The following HSP90AA1 variants were observed in gnomAD, a reference collection of about 807,000 sequenced individuals.
HSP90AA1 encodes heat shock protein HSP 90-alpha.
Under a neutral mutation model 73.3 loss-of-function variants are expected in HSP90AA1, and 18 were observed. The observed-to-expected ratio is 0.25, with a 90% CI of 0.17 to 0.36. The LOEUF is 0.36. Ranked by LOEUF, HSP90AA1 falls within the 10% of genes least tolerant of loss-of-function variation. The pLI is 1.00. For synonymous variants in HSP90AA1, 477 were observed against 296.9 expected (o/e 1.61, Z -6.24); for missense variants, 704 against 874.2 (o/e 0.81, Z 2.45).
At chr14:102,135,601 A>G (rs1311799425) in intron 1 of HSP90AA1, among the ~76,000 whole-genome samples, 1 of 152,226 alleles carries the variant, frequency 6.6e-6, no homozygotes, top group Non-Finnish European at 1.5e-5. Context: ...CACAGGAACC[A>G]ATGGAGTGGG....
At position 102,084,071 on chromosome 14, in the gene HSP90AA1, G is replaced by T. The variant is rs34045059; in HGVS notation, c.1148-88C>A. 4.0e-5 allele frequency: 41 copies of T among 1,023,924 alleles called. No homozygotes were observed. The African/African-American group carries it at 6.5e-4, about 16-fold the overall frequency. 63.4% of individuals were successfully genotyped at this position (1,023,924 alleles called of 1,614,324 possible). On this transcript the variant is annotated intron_variant, in intron 6 of 10. Transcript: ENST00000216281. ...CTCCCAAAATCAAAGATAACCTGAA[G>T]ATGATGGGACGTATTTTTGAGACAG...
At position 102,086,396 on chromosome 14, in the gene HSP90AA1, C is replaced by A; in HGVS notation, c.1-18G>T. On this transcript the variant is annotated intron_variant, in intron 1 of 10. Transcript: ENST00000216281. Reference sequence around the variant, plus strand: ...TCAGGCATCTGGAACGACACCGCGCCGGTTTAAAACCTTGCAGGACGTCTA... The same window carrying A: ...TCAGGCATCTGGAACGACACCGCGCAGGTTTAAAACCTTGCAGGACGTCTA... 1 of 1,614,136 alleles carries A rather than the reference C, an allele frequency of 6.2e-7. No homozygotes were observed. Among genetic ancestry groups the A allele is most frequent in the South Asian group, 1.1e-5 (1 of 91,088 alleles).
At chr14:102,128,388 G>A (rs991246384) in intron 1 of HSP90AA1, among the ~76,000 whole-genome samples, 1 of 152,156 alleles carries the variant, frequency 6.6e-6, no homozygotes, top group African/African-American at 2.4e-5. Context: ...AGAACTTTGG[G>A]AGGCCGAGGT....
intron 2 of HSP90AA1, among the ~76,000 whole-genome samples, chr14:102,097,259 T>C (rs1004920571): frequency 2.0e-5 from 3 of 151,492 alleles, no homozygotes; most frequent in African/African-American, 7.3e-5. Flanking sequence ...GTGCTGGGAT[T>C]ACAGGTATGA....
At chr14:102,107,407 C>T (rs1288655431) in intron 1 of HSP90AA1, among the ~76,000 whole-genome samples, 1 of 152,018 alleles carries the variant, frequency 6.6e-6, no homozygotes, top group Non-Finnish European at 1.5e-5. Context: ...TCACTGCAAC[C>T]TCTGCCTCCC....
intron 1 of HSP90AA1, among the ~76,000 whole-genome samples, chr14:102,116,987 C>T (rs2049715077): frequency 6.6e-6 from 1 of 152,012 alleles, no homozygotes; most frequent in Admixed American, 6.5e-5. Flanking sequence ...TGGCCTCTCC[C>T]CACTCCTGGC....
At chr14:102,119,842 AATG>A (rs1380220308) in intron 1 of HSP90AA1, among the ~76,000 whole-genome samples, 3 of 152,048 alleles carry the variant, frequency 2.0e-5, no homozygotes, top group Non-Finnish European at 4.4e-5. Context: ...TAATCCGTGG[AATG>A]ATATTTTGTT....
intron 2 of HSP90AA1, among the ~76,000 whole-genome samples, chr14:102,096,744 T>C (rs1460452893): frequency 6.6e-6 from 1 of 152,224 alleles, no homozygotes; most frequent in South Asian, 2.1e-4. Context: ...CCAAAGGCCG[T>C]GATAAACCTT....
intron 2 of HSP90AA1, among the ~76,000 whole-genome samples, chr14:102,098,354 G>A (rs2049451569): frequency 6.6e-6 from 1 of 150,904 alleles, no homozygotes; most frequent in African/African-American, 2.4e-5. Context: ...TAGAAATGGG[G>A]TTTCACCATA....
intron 1 of HSP90AA1, among the ~76,000 whole-genome samples, chr14:102,125,068 T>C (rs1265586897): frequency 6.6e-6 from 1 of 152,172 alleles, no homozygotes; most frequent in Non-Finnish European, 1.5e-5. Flanking sequence ...CACAGCTCAC[T>C]GAAGCCTCAA....
At chr14:102,121,586 A>T (rs1176118401) in intron 1 of HSP90AA1, among the ~76,000 whole-genome samples, 1 of 152,200 alleles carries the variant, frequency 6.6e-6, no homozygotes, top group Non-Finnish European at 1.5e-5. Flanking sequence ...CTGTTTCTTA[A>T]TACTTGTGCC....
At chr14:102,139,743 C>A, upstream of HSP90AA1, 1 of 912,554 alleles carries the variant, frequency 1.1e-6, no homozygotes, top group Non-Finnish European at 1.6e-6. Context: ...AGCACGCCTG[C>A]GCAGTCGGGC....
At chr14:102,130,196 C>T (rs943322408) in intron 1 of HSP90AA1, among the ~76,000 whole-genome samples, 3 of 152,054 alleles carry the variant, frequency 2.0e-5, no homozygotes, top group African/African-American at 7.2e-5. Flanking sequence ...GTCTCGAACT[C>T]CTGACCTCAT....
At chr14:102,088,149 G>A (rs1323334295), upstream of HSP90AA1, among the ~76,000 whole-genome samples, 1 of 151,928 alleles carries the variant, frequency 6.6e-6, no homozygotes. Flanking sequence ...TTTATTTGTA[G>A]AGTCGGGGTT....
At chr14:102,121,245 A>ATATGTAAGTT (rs1390031097) in intron 1 of HSP90AA1, among the ~76,000 whole-genome samples, 1 of 152,100 alleles carries the variant, frequency 6.6e-6, no homozygotes, top group African/African-American at 2.4e-5. Flanking sequence ...TCATGTCAGT[A>ATATGTAAGTT]TATGTAAGTT....
At chr14:102,107,336 G>GT (rs2049581686) in intron 1 of HSP90AA1, among the ~76,000 whole-genome samples, 2 of 151,726 alleles carry the variant, frequency 1.3e-5, no homozygotes, top group East Asian at 1.9e-4. Context: ...TGGTTTGTTT[G>GT]TTTTTTTGAG....
In HSP90AA1 at chr14:102,102,023, G is replaced by A. The variant is rs148100560; in HGVS notation, c.218C>T (p.Ser73Phe). The A allele has an allele frequency of 1.4e-5, 23 of 1,614,006 alleles. No homozygotes were observed. In the African/African-American group the frequency reaches 2.5e-4, roughly 18 times the overall value. The change falls in exon 2 of 12, where the codon TCT becomes TTT. Residue 73 changes from serine (S) to phenylalanine (F), a missense_variant. By Grantham distance (155) the Ser-to-Phe change is radical (BLOSUM62 -2). Transcript: ENST00000334701. The stretch of plus-strand genomic sequence containing the variant: ...GAGACAGAGTAGAGTGGTGGATCCA[G>A]ACACCATCAGATGCCAGAGAAACAC...
At chr14:102,084,245 C>T in intron 6 of HSP90AA1, 154 bp downstream of exon 6, 2 of 730,086 alleles carry the variant, frequency 2.7e-6, no homozygotes. Flanking sequence ...GGGGTTTCAC[C>T]ATGTTGCCCA....
rs1403664447 is a variant in HSP90AA1, at chr14:102,133,290, C to T, written c.155+5960G>A. On this transcript the variant is annotated intron_variant, in intron 1 of 11. Coordinates refer to the HSP90AA1 transcript ENST00000334701. ...AGCAAAACTCCATCACAAAACAAAA[C>T]AAAACAATAGAAGATAATTAACACA... is the stretch of plus-strand genomic sequence containing the variant. Among the ~76,000 whole-genome samples the T allele has an allele frequency of 3.9e-5, 6 of 151,918 alleles. No homozygotes were observed. In the East Asian group the frequency reaches 1.2e-3, roughly 30 times the overall value.
Sources: gnomAD v4.1 joint callset for allele counts (sites outside exome capture counted in the v4.1 genomes callset) on GRCh38, gnomAD v4.1.1 for gene constraint, MANE v1.5 for transcripts, NCBI Gene and HGNC (gene_info 2026-07-23, HGNC 2026-07-21) for gene names.